DHRS12: variants seen among roughly 807,000 people sequenced by gnomAD.
The protein encoded by DHRS12 is dehydrogenase/reductase 12.
In DHRS12, 29 loss-of-function variants were observed where a neutral mutation model predicts 32.1. That is an observed-to-expected ratio of 0.90 (90% CI 0.67 to 1.23). DHRS12 has a LOEUF of 1.23. DHRS12 is among the 50% of genes most tolerant of loss of function. DHRS12 has a pLI of 0.00. For synonymous variants in DHRS12, 150 were observed against 135.9 expected, an observed-to-expected ratio of 1.10 and a Z score of -0.72; for missense variants, 330 against 337.2, an observed-to-expected ratio of 0.98 and a Z score of 0.17.
At chr13:51,800,760 T>C (rs897100738) in intron 1 of DHRS12, among the ~76,000 whole-genome samples, 3 of 152,254 alleles carry the variant, frequency 2.0e-5, no homozygotes, top group Non-Finnish European at 4.4e-5. Context: ...TTGAAAGTCA[T>C]TGCCACGGGG....
intron 4 of DHRS12, among the ~76,000 whole-genome samples, chr13:51,786,158 G>A (rs1954945048): frequency 6.6e-6 from 1 of 152,190 alleles, no homozygotes; most frequent in African/African-American, 2.4e-5. Context: ...GTGACCTAAG[G>A]TGAACTTCCT....
chr13:51,771,202 G>A, intron 7 of DHRS12: 1 of 1,550,268 alleles, frequency 6.5e-7, no homozygotes, highest in Non-Finnish European at 8.7e-7. Flanking sequence ...GGCGCCGCGG[G>A]TGCACCCTGG....
the DHRS12 span, chr13:51,762,663 G>A: frequency 1.3e-5 from 2 of 152,296 alleles, no homozygotes; most frequent in South Asian, 2.1e-4. Context: ...AAAAGCTGGC[G>A]CCAGCACTTG....
At chr13:51,797,313 G>T (rs1955551723) in intron 2 of DHRS12, among the ~76,000 whole-genome samples, 1 of 151,936 alleles carries the variant, frequency 6.6e-6, no homozygotes, top group Non-Finnish European at 1.5e-5. Flanking sequence ...TTTGCACCGA[G>T]CCCCACTAAT....
At chr13:51,759,941 C>A in the DHRS12 span, 1 of 591,854 alleles carries the variant, frequency 1.7e-6, no homozygotes, top group Non-Finnish European at 3.0e-6. Context: ...AGTGAGCACT[C>A]GCAAGGGGAC....
chr13:51,799,078 G>A (rs533093990), intron 2 of DHRS12, among the ~76,000 whole-genome samples: 2 of 152,316 alleles, frequency 1.3e-5, no homozygotes, highest in East Asian at 1.9e-4. Context: ...GGTATTTTGG[G>A]GGCCTTGGTT....
intron 5 of DHRS12, chr13:51,775,737 A>G (rs1593517015): frequency 3.4e-4 from 2 of 5,864 alleles, no homozygotes; most frequent in East Asian, 8.1e-3. Flanking sequence ...ATTCTCCTAC[A>G]GTATTCTCCT....
intron 1 of DHRS12, among the ~76,000 whole-genome samples, chr13:51,801,828 A>G (rs1955768971): frequency 6.6e-6 from 1 of 152,206 alleles, no homozygotes; most frequent in African/African-American, 2.4e-5. Flanking sequence ...CAGGAAGCTG[A>G]CAGGCTTTTC....
At chr13:51,800,104 T>C (rs1955684495) in intron 1 of DHRS12, among the ~76,000 whole-genome samples, 1 of 151,992 alleles carries the variant, frequency 6.6e-6, no homozygotes, top group Admixed American at 6.6e-5. Context: ...GATTTGCAAG[T>C]AGGGAATAAA....
chr13:51,771,918 A>G lies in DHRS12; in HGVS notation c.469-7T>C, dbSNP rs1276011618. On this transcript the variant is annotated splice_region_variant and splice_polypyrimidine_tract_variant and intron_variant, in intron 6 of 8. Coordinates refer to ENST00000444610, the MANE Select transcript of DHRS12 (RefSeq NM_001377533.1). ...TCAGAACCACTTGCTGCCTCTGGACAGGAAGGAGCGAGGGGGTGAACAGGA... is the reference window on the plus strand; with the variant it reads ...TCAGAACCACTTGCTGCCTCTGGACGGGAAGGAGCGAGGGGGTGAACAGGA... 4.3e-6 allele frequency: 7 copies of G among 1,613,984 alleles called. No individual in the cohort carries two copies. Among genetic ancestry groups the G allele is most frequent in the Non-Finnish European group, 5.9e-6 (7 of 1,179,960 alleles).
chr13:51,796,078 AT>A (rs1483433556), intron 2 of DHRS12, among the ~76,000 whole-genome samples: 2 of 152,144 alleles, frequency 1.3e-5, no homozygotes, highest in Admixed American at 1.3e-4. Context: ...AGTTACCCCT[AT>A]TTTTTAATGA....
chr13:51,787,772 TTA>T (rs1245874184), intron 4 of DHRS12, among the ~76,000 whole-genome samples: 2 of 94,784 alleles, frequency 2.1e-5, no homozygotes, highest in East Asian at 2.6e-4. Context: ...ATTATATAAA[TTA>T]TATATAATTT....
At chr13:51,785,291 T>C (rs894153337) in intron 4 of DHRS12, among the ~76,000 whole-genome samples, 1 of 151,878 alleles carries the variant, frequency 6.6e-6, no homozygotes, top group Admixed American at 6.6e-5. Flanking sequence ...TTTTGATTAA[T>C]AAATAGTTAA....
chr13:51,756,735 C>CCTT, the DHRS12 span: 1 of 738,918 alleles, frequency 1.4e-6, no homozygotes. Context: ...CAGAACAAAC[C>CCTT]CTTCTGTCTG....
At chr13:51,788,084 G>A (rs1955077530) in intron 4 of DHRS12, among the ~76,000 whole-genome samples, 1 of 151,044 alleles carries the variant, frequency 6.6e-6, no homozygotes, top group Admixed American at 6.6e-5. Flanking sequence ...CCCAGTACTT[G>A]GAAGGACCCT....
downstream of DHRS12, chr13:51,765,007 CT>C (rs1953704898): frequency 6.6e-6 from 1 of 152,204 alleles, no homozygotes; most frequent in African/African-American, 2.4e-5. Context: ...ACTTCCTGCT[CT>C]TGCAAGTCAC....
chr13:51,769,733 GT>G (rs1680260836), intron 7 of DHRS12, among the ~76,000 whole-genome samples: 1 of 152,164 alleles, frequency 6.6e-6, no homozygotes, highest in Admixed American at 6.5e-5. Flanking sequence ...TCCCTGGACT[GT>G]TTTAGTGTTT....
At chr13:51,783,136 T>C (rs755764005) in intron 4 of DHRS12, among the ~76,000 whole-genome samples, 23 of 152,058 alleles carry the variant, frequency 1.5e-4, no homozygotes, top group Admixed American at 3.9e-4. Context: ...ATGGGAAAAA[T>C]GATCTCTGAC....
At chr13:51,777,039 C>T (rs1365884838) in intron 5 of DHRS12, 21 bp downstream of exon 5, 5 of 1,614,006 alleles carry the variant, frequency 3.1e-6, no homozygotes, top group Non-Finnish European at 4.2e-6. Flanking sequence ...ATCCTCAAAA[C>T]ATCCCATAAG....
Sources: gnomAD v4.1 joint callset for allele counts (sites outside exome capture counted in the v4.1 genomes callset) on GRCh38, gnomAD v4.1.1 for gene constraint, MANE v1.5 for transcripts, NCBI Gene and HGNC (gene_info 2026-07-23, HGNC 2026-07-21) for gene names.